The following ZSCAN5A variants were observed in gnomAD, a reference collection of about 807,000 sequenced individuals.
ZSCAN5A encodes the protein zinc finger and SCAN domain containing 5A, also known as zinc finger and SCAN domain-containing protein 5A.
ZSCAN5A carries 12 observed loss-of-function variants against 23.7 expected under a neutral mutation model. That is an observed-to-expected ratio of 0.51 (90% CI 0.32 to 0.82). ZSCAN5A has a LOEUF of 0.82. Among genes scored for constraint, ZSCAN5A ranks in the 40% least tolerant of loss-of-function variants. ZSCAN5A has a pLI of 0.03. For synonymous variants in ZSCAN5A, 257 were observed against 239.9 expected (o/e 1.07, Z -0.66); for missense variants, 597 against 617.9 (o/e 0.97, Z 0.36).
intron 4 of ZSCAN5A, 105 bp from the exon 5 acceptor site, chr19:56,222,846 A>T: frequency 6.6e-7 from 1 of 1,516,590 alleles, no homozygotes; most frequent in Non-Finnish European, 9.0e-7. Context: ...CTAATGACAC[A>T]GGTGTGGAAA....
intron 2 of ZSCAN5A, among the ~76,000 whole-genome samples, chr19:56,337,137 G>A (rs886170561): frequency 6.6e-6 from 1 of 152,250 alleles, no homozygotes; most frequent in Non-Finnish European, 1.5e-5. Flanking sequence ...TAAGTCTGCA[G>A]ATGTTACTGC....
chr19:56,326,564 T>C (rs1344135180), intron 2 of ZSCAN5A, among the ~76,000 whole-genome samples: 9 of 152,104 alleles, frequency 5.9e-5, no homozygotes, highest in Admixed American at 5.9e-4. Flanking sequence ...CACATATAAA[T>C]GGGAATCACG....
At chr19:56,289,400 G>A (rs2039362387) in intron 2 of ZSCAN5A, among the ~76,000 whole-genome samples, 1 of 152,162 alleles carries the variant, frequency 6.6e-6, no homozygotes, top group Non-Finnish European at 1.5e-5. Flanking sequence ...GAGGGGAGGG[G>A]AAATTTCAAG....
chr19:56,355,004 A>C (rs1018924491), intron 2 of ZSCAN5A, among the ~76,000 whole-genome samples: 3 of 152,208 alleles, frequency 2.0e-5, no homozygotes, highest in Non-Finnish European at 2.9e-5. Context: ...CAACATTAAT[A>C]TGCTCATGTG....
intron 2 of ZSCAN5A, among the ~76,000 whole-genome samples, chr19:56,240,278 T>C (rs2035327083): frequency 6.6e-6 from 1 of 151,858 alleles, no homozygotes; most frequent in Non-Finnish European, 1.5e-5. Flanking sequence ...TTCAGTAGAG[T>C]GGGAAAACCT....
intron 2 of ZSCAN5A, among the ~76,000 whole-genome samples, chr19:56,333,559 T>C (rs1476473840): frequency 6.6e-6 from 1 of 152,102 alleles, no homozygotes; most frequent in East Asian, 1.9e-4. Context: ...GTAGAAATAT[T>C]TGTGTTGATT....
intron 2 of ZSCAN5A, among the ~76,000 whole-genome samples, chr19:56,239,766 A>C (rs1464993737): frequency 6.6e-6 from 1 of 152,244 alleles, no homozygotes; most frequent in Admixed American, 6.5e-5. Context: ...CTTAAACTGC[A>C]TTAAATCACT....
At chr19:56,256,242 G>A (rs1412669565) in intron 2 of ZSCAN5A, among the ~76,000 whole-genome samples, 1 of 152,172 alleles carries the variant, frequency 6.6e-6, no homozygotes, top group Non-Finnish European at 1.5e-5. Flanking sequence ...GCCCAGGCTG[G>A]AGTGCAGTGG....
chr19:56,268,438 ATGCTGC>A (rs376972677), intron 2 of ZSCAN5A, among the ~76,000 whole-genome samples: 4 of 152,254 alleles, frequency 2.6e-5, no homozygotes, highest in African/African-American at 4.8e-5. Context: ...GAAGCCTCAG[ATGCTGC>A]TGCTGCTGCT....
rs2033751944 is a variant in ZSCAN5A at position 56,224,896 on chromosome 19, T to C, written c.151A>G (p.Ser51Gly). ...ATGGGGTCCGACTCCTTCGGGCAGC[T>C]GAACATCCTGAAGTTCACGTGAGAA... ...EISHVNFRMFSCPKESDPIQA... is the reference protein window; with the variant it reads ...EISHVNFRMFGCPKESDPIQA... The change falls in exon 3 of 6, where the codon AGC (serine) becomes GGC (glycine). Residue 51 changes from serine to glycine, a missense_variant. Physicochemically the swap from Ser to Gly is moderately conservative, Grantham distance 56. Transcript: ENST00000683990. 6.2e-7 allele frequency: 1 copy of C among 1,614,068 alleles called. No individual in the cohort carries two copies. Among genetic ancestry groups the C allele is most frequent in the Admixed American group, 1.7e-5 (1 of 60,000 alleles).
At chr19:56,280,207 A>G (rs1455246646) in intron 2 of ZSCAN5A, among the ~76,000 whole-genome samples, 1 of 152,172 alleles carries the variant, frequency 6.6e-6, no homozygotes, top group Non-Finnish European at 1.5e-5. Flanking sequence ...TTCTGTATGC[A>G]CCTTACTTTT....
intron 1 of ZSCAN5A, chr19:56,364,825 C>T (rs531915852): frequency 1.3e-5 from 2 of 152,136 alleles, no homozygotes; most frequent in Non-Finnish European, 2.9e-5. Context: ...ATATTGTATA[C>T]TATTCTAAGA....
chr19:56,240,816 G>A (rs975524095), intron 2 of ZSCAN5A, among the ~76,000 whole-genome samples: 1 of 151,844 alleles, frequency 6.6e-6, no homozygotes, highest in African/African-American at 2.4e-5. Flanking sequence ...AGTCATTGGC[G>A]AGACTTCACT....
At chr19:56,325,748 T>TTGC (rs2041426561) in intron 2 of ZSCAN5A, among the ~76,000 whole-genome samples, 2 of 151,710 alleles carry the variant, frequency 1.3e-5, no homozygotes, top group African/African-American at 4.9e-5. Flanking sequence ...GTTGTTGTTG[T>TTGC]TGCTGTTTTC....
intron 2 of ZSCAN5A, among the ~76,000 whole-genome samples, chr19:56,303,910 A>G (rs2040507866): frequency 6.6e-6 from 1 of 152,134 alleles, no homozygotes; most frequent in Non-Finnish European, 1.5e-5. Flanking sequence ...TGCACAGCAG[A>G]CCCTGAGGCA....
In ZSCAN5A at chr19:56,261,182, T is replaced by C. The variant is rs549858404; in HGVS notation, c.-127-36009A>G. 1.9e-4 allele frequency among the ~76,000 whole-genome samples: 28 copies of C among 149,804 alleles called. 1 individual carries two copies. The South Asian group carries it at 5.1e-3, about 27-fold the overall frequency. On this transcript the variant is annotated intron_variant, in intron 2 of 5. Coordinates refer to ENST00000683990, the MANE Select transcript of ZSCAN5A (RefSeq NM_001322064.3). ...GAGATTGTGCCACTGCACTCCAGCC[T>C]GGGTGACAGAGCAAGACTCTCAAAA...
intron 4 of ZSCAN5A, 75 bp from the exon 5 acceptor site, chr19:56,222,816 G>C (rs1438564277): frequency 1.3e-6 from 2 of 1,597,844 alleles, no homozygotes; most frequent in African/African-American, 2.7e-5. Context: ...GTCCCCTTCT[G>C]ATTGGATGCA....
intron 2 of ZSCAN5A, among the ~76,000 whole-genome samples, chr19:56,249,424 C>T (rs2036188491): frequency 6.6e-6 from 1 of 152,144 alleles, no homozygotes; most frequent in Admixed American, 6.5e-5. Flanking sequence ...GGTGTGCCGC[C>T]ACCACGCCTG....
At chr19:56,304,246 T>C (rs1040339405) in intron 2 of ZSCAN5A, among the ~76,000 whole-genome samples, 1 of 152,176 alleles carries the variant, frequency 6.6e-6, no homozygotes, top group African/African-American at 2.4e-5. Flanking sequence ...CTAAAGGAAC[T>C]GCTTATGCGC....
Sources: allele counts gnomAD v4.1 joint callset (sites outside exome capture counted in the v4.1 genomes callset), GRCh38; gene constraint gnomAD v4.1.1; transcripts MANE v1.5; gene names NCBI Gene and HGNC (gene_info 2026-07-23, HGNC 2026-07-21).